The following SYNJ2BP variants were observed in gnomAD, a reference collection of about 807,000 sequenced individuals.
SYNJ2BP encodes synaptojanin-2-binding protein.
Under a neutral mutation model 16.9 loss-of-function variants are expected in SYNJ2BP, and 10 were observed. The ratio of observed to expected loss-of-function variants is 0.59; its 90% CI spans 0.36 to 1.00. The LOEUF (loss-of-function observed/expected upper bound fraction) is 1.00, where lower values mean the gene tolerates loss of function less well. Ranked by LOEUF, SYNJ2BP falls within the 50% of genes least tolerant of loss-of-function variation. SYNJ2BP has a pLI of 0.01. For missense variants in SYNJ2BP, 162 were observed against 186.7 expected (o/e 0.87, Z 0.77); for synonymous variants, 54 against 68.4 (o/e 0.79, Z 1.04).
At chr14:70,407,105 C>T (rs1037606722) in intron 1 of SYNJ2BP, among the ~76,000 whole-genome samples, 3 of 151,108 alleles carry the variant, frequency 2.0e-5, no homozygotes, top group Admixed American at 6.6e-5. Flanking sequence ...TAGGTTGGTG[C>T]AAAAGTAATT....
chr14:70,380,478 A>G (rs1887724197), intron 2 of SYNJ2BP, among the ~76,000 whole-genome samples: 1 of 152,090 alleles, frequency 6.6e-6, no homozygotes, highest in African/African-American at 2.4e-5. Context: ...CCTGACCAAC[A>G]TGGTGAAACC....
chr14:70,386,082 C>G (rs1887853287), intron 2 of SYNJ2BP, among the ~76,000 whole-genome samples: 1 of 152,168 alleles, frequency 6.6e-6, no homozygotes. Context: ...AACTCCTATA[C>G]TATTCTTCAT....
At chr14:70,410,570 T>C (rs1594962813) in intron 1 of SYNJ2BP, among the ~76,000 whole-genome samples, 1 of 152,070 alleles carries the variant, frequency 6.6e-6, no homozygotes, top group East Asian at 1.9e-4. Context: ...CATGCATGTG[T>C]TCACTGCAGC....
intron 1 of SYNJ2BP, among the ~76,000 whole-genome samples, chr14:70,406,527 G>A (rs897879918): frequency 1.1e-4 from 17 of 152,206 alleles, no homozygotes; most frequent in African/African-American, 3.6e-4. Flanking sequence ...TAGAAATTAT[G>A]ATTTAGGAGT....
chr14:70,397,540 C>T (rs188981924), intron 1 of SYNJ2BP, among the ~76,000 whole-genome samples: 172 of 152,308 alleles, frequency 1.1e-3, no homozygotes, highest in African/African-American at 3.9e-3. Context: ...TGGGCAGCTC[C>T]AGGTGCTGGC....
chr14:70,379,493 T>C (rs1887701865), intron 2 of SYNJ2BP, among the ~76,000 whole-genome samples: 1 of 152,230 alleles, frequency 6.6e-6, no homozygotes, highest in Non-Finnish European at 1.5e-5. Flanking sequence ...ACCACCTAAA[T>C]GCCCTTCCCT....
chr14:70,373,629 C>T (rs1445183830), intron 3 of SYNJ2BP, among the ~76,000 whole-genome samples: 7 of 152,208 alleles, frequency 4.6e-5, no homozygotes, highest in Admixed American at 3.9e-4. Context: ...TTGAAAAATG[C>T]TTTCCAGATC....
chr14:70,403,524 A>T (rs1888284418), intron 1 of SYNJ2BP, among the ~76,000 whole-genome samples: 1 of 152,224 alleles, frequency 6.6e-6, no homozygotes, highest in Non-Finnish European at 1.5e-5. Flanking sequence ...GCTGGCCAAA[A>T]GCCACCAAGA....
chr14:70,379,322 A>T (rs903103074), intron 2 of SYNJ2BP, among the ~76,000 whole-genome samples: 1 of 152,236 alleles, frequency 6.6e-6, no homozygotes, highest in African/African-American at 2.4e-5. Flanking sequence ...CTCGTTTCTT[A>T]TGCTGATATG....
At chr14:70,410,051 G>A (rs1566625501) in intron 1 of SYNJ2BP, among the ~76,000 whole-genome samples, 2 of 152,032 alleles carry the variant, frequency 1.3e-5, no homozygotes, top group African/African-American at 2.4e-5. Flanking sequence ...CCAAGAGGTC[G>A]AGGCTGCAGT....
chr14:70,389,516 A>G (rs1409045224), intron 1 of SYNJ2BP, among the ~76,000 whole-genome samples: 1 of 152,046 alleles, frequency 6.6e-6, no homozygotes, highest in Non-Finnish European at 1.5e-5. Flanking sequence ...CGCTACTTCA[A>G]GTACAACCAT....
chr14:70,411,765 A>G (rs79485410), intron 1 of SYNJ2BP, among the ~76,000 whole-genome samples: 2,332 of 152,278 alleles, frequency 0.015, 25 homozygotes, highest in Non-Finnish European at 0.027. Context: ...AACTTTCCCA[A>G]CACAGGGTCA....
intron 2 of SYNJ2BP, among the ~76,000 whole-genome samples, chr14:70,379,077 C>A (rs537920884): frequency 8.5e-5 from 13 of 152,276 alleles, no homozygotes; most frequent in African/African-American, 2.6e-4. Flanking sequence ...ACCTGTCTCC[C>A]AGGCATGTCC....
At position 70,372,444 on chromosome 14, in the gene SYNJ2BP, G is replaced by C. The variant is rs1887536086; in HGVS notation, c.*547C>G. 6.6e-6 allele frequency: 1 copy of C among 152,500 alleles called. No homozygotes were observed. Among genetic ancestry groups the C allele is most frequent in the African/African-American group, 2.4e-5 (1 of 41,304 alleles). 9.4% of individuals were successfully genotyped at this position (152,500 alleles called of 1,614,324 possible). A position where few individuals can be genotyped will look rare whatever the true frequency, so the allele number is the denominator to read the frequency against. On this transcript the variant is annotated 3_prime_UTR_variant, in exon 4 of 4. Coordinates refer to ENST00000256366, the MANE Select transcript of SYNJ2BP (RefSeq NM_018373.3). Reference sequence around the variant, plus strand: ...CTTTCTCACCTTTAATTCTCCATAGGGATCACTATTATACTATAATATTTG... The same window carrying C: ...CTTTCTCACCTTTAATTCTCCATAGCGATCACTATTATACTATAATATTTG...
intron 1 of SYNJ2BP, among the ~76,000 whole-genome samples, chr14:70,412,228 T>C (rs182958389): frequency 4.3e-4 from 65 of 152,160 alleles, no homozygotes; most frequent in African/African-American, 9.6e-4. Flanking sequence ...CATGATATAA[T>C]AAAATAAAGG....
rs769207366 is a variant in SYNJ2BP, at chr14:70,370,998, G to A, written c.*1993C>T. 1 of 152,200 alleles carries A rather than the reference G, an allele frequency of 6.6e-6. No homozygotes were observed. The highest frequency in any genetic ancestry group is 1.5e-5 in the Non-Finnish European group (1 of 68,036). The allele number at this position is 152,200 out of a possible 1,614,324, so 9.4% of individuals were successfully genotyped here. On this transcript the variant is annotated 3_prime_UTR_variant, in exon 4 of 4. Coordinates refer to ENST00000256366, the MANE Select transcript of SYNJ2BP (RefSeq NM_018373.3). ...ATGCACTGTACTTCTTTGTAAAAGT[G>A]TCTTGACAAAGCTGATGTCCAATCA...
At chr14:70,416,693 C>T (rs1244125238) in intron 1 of SYNJ2BP, among the ~76,000 whole-genome samples, 3 of 152,200 alleles carry the variant, frequency 2.0e-5, no homozygotes, top group African/African-American at 7.2e-5. Context: ...GTTCATCCAA[C>T]TGGATTTTGA....
chr14:70,380,386 A>G (rs8022128), intron 2 of SYNJ2BP, among the ~76,000 whole-genome samples: 133,041 of 152,104 alleles, frequency 0.87, 58,238 homozygotes, highest in East Asian at 0.93. Flanking sequence ...AGTTGAGGCC[A>G]GGCATGGTGG....
chr14:70,396,606 GTA>G (rs1333908880), intron 1 of SYNJ2BP, among the ~76,000 whole-genome samples: 3 of 151,284 alleles, frequency 2.0e-5, no homozygotes, highest in Non-Finnish European at 2.9e-5. Flanking sequence ...GTATATGTAT[GTA>G]TATATATGTA....
Sources: allele counts gnomAD v4.1 joint callset (sites outside exome capture counted in the v4.1 genomes callset), GRCh38; gene constraint gnomAD v4.1.1; transcripts MANE v1.5; gene names NCBI Gene and HGNC (gene_info 2026-07-23, HGNC 2026-07-21).